Variants in COL18A1 observed in about 807,000 individuals in gnomAD.
COL18A1 encodes the protein collagen type XVIII alpha 1 chain.
Under a neutral mutation model 168.0 loss-of-function variants are expected in COL18A1, and 133 were observed. The observed-to-expected ratio is 0.79, with a 90% CI of 0.69 to 0.91. The LOEUF (loss-of-function observed/expected upper bound fraction) is 0.91. Ranked by LOEUF, COL18A1 falls within the 40% of genes least tolerant of loss-of-function variation. The pLI is 0.00. For synonymous variants in COL18A1, 949 were observed against 809.0 expected, an observed-to-expected ratio of 1.17 and a Z score of -2.94; for missense variants, 2,126 against 1,925.4, an observed-to-expected ratio of 1.10 and a Z score of -1.95.
At chr21:45,489,424 G>C in intron 18 of COL18A1, 62 bp from the exon 19 acceptor site, 2 of 1,273,180 alleles carry the variant, frequency 1.6e-6, no homozygotes, top group Non-Finnish European at 1.1e-6. Context: ...ACCCGGGGTG[G>C]ACGCTGCCTG....
At chr21:45,453,731 A>G (rs2034708435) in intron 2 of COL18A1, among the ~76,000 whole-genome samples, 1 of 152,098 alleles carries the variant, frequency 6.6e-6, no homozygotes, top group African/African-American at 2.4e-5. Context: ...CACCCTGCAG[A>G]TGGCAGGGTG....
At chr21:45,505,101 T>TAA (rs1778430841) in intron 34 of COL18A1, 33 bp from the exon 35 acceptor site, 3 of 1,600,950 alleles carry the variant, frequency 1.9e-6, no homozygotes. Flanking sequence ...GGGCACGAGG[T>TAA]AACCAGGAAG....
intron 26 of COL18A1, 47 bp downstream of exon 26, chr21:45,493,622 G>C (rs1438583375): frequency 7.1e-7 from 1 of 1,416,956 alleles, no homozygotes; most frequent in Non-Finnish European, 9.7e-7. Context: ...GGCTCCTGGG[G>C]CTGTGGAGAC....
chr21:45,480,017 G>A, intron 10 of COL18A1, 53 bp downstream of exon 10: 1 of 1,613,376 alleles, frequency 6.2e-7, no homozygotes, highest in South Asian at 1.1e-5. Context: ...CTTGGCTCAA[G>A]GTGGGGGCTG....
chr21:45,501,979 G>A (rs1168302716), intron 32 of COL18A1, among the ~76,000 whole-genome samples: 2 of 79,298 alleles, frequency 2.5e-5, no homozygotes, highest in African/African-American at 1.1e-4. Flanking sequence ...ACCTCCCTCT[G>A]CAGAAGGACC....
At chr21:45,474,424 G>A (rs565642104) in intron 4 of COL18A1, among the ~76,000 whole-genome samples, 10 of 144,728 alleles carry the variant, frequency 6.9e-5, no homozygotes, top group South Asian at 2.2e-4. Context: ...CTTGTGTGTC[G>A]TGTGTGTCTG....
Position 45,497,608 on chromosome 21 carries a change from G to T in COL18A1, c.2630G>T (p.Gly877Val). The T allele has an allele frequency of 6.4e-7, 1 of 1,563,482 alleles. No individual in the cohort carries two copies. The part of the protein sequence containing the change: ...PGPPGLPGNQ[G>V]PPGPKGAKGE... ...GTCTCTCTTCCTCCAGGGAATCAGG[G>T]CCCTCCAGGACCCAAGGGCGCCAAA... is the stretch of plus-strand genomic sequence containing the variant. Residue 877 changes from glycine (G) to valine (V), a missense_variant, in exon 32 of 42, where the codon GGC becomes GTC. By Grantham distance (109) the Gly-to-Val change is moderately radical (BLOSUM62 -3). Transcript: ENST00000651438.
chr21:45,492,259 G>A (rs901548183), intron 22 of COL18A1, among the ~76,000 whole-genome samples: 5 of 152,160 alleles, frequency 3.3e-5, no homozygotes, highest in African/African-American at 1.2e-4. Flanking sequence ...CACCTCCGCC[G>A]GCAAGCAAGG....
At position 45,471,108 on chromosome 21, in the gene COL18A1, GC is replaced by G. The variant is rs2035414014; in HGVS notation, c.651+2324del. On this transcript the variant is annotated intron_variant, in intron 3 of 41. Transcript: ENST00000651438. The surrounding 1 kb of genome is among the most constrained non-coding windows in gnomAD (Gnocchi z 4.4). ...CGCGCTACGGGCCGTGTGCTGCTGG[GC>G]CTGGGTGGCGCACTACGGGCCTTGT... Among the ~76,000 whole-genome samples, 3 of 151,550 alleles carry G rather than the reference GC, an allele frequency of 2.0e-5. No individual in the cohort carries two copies. The South Asian group carries it at 6.3e-4, about 32-fold the overall frequency.
At chr21:45,466,114 C>A (rs117840553) in intron 2 of COL18A1, among the ~76,000 whole-genome samples, 3 of 152,092 alleles carry the variant, frequency 2.0e-5, no homozygotes, top group African/African-American at 4.8e-5. Flanking sequence ...TGGGAGAGGG[C>A]GCTTTGGCTC....
At chr21:45,502,258 G>A (rs2036906571) in intron 32 of COL18A1, among the ~76,000 whole-genome samples, 1 of 152,224 alleles carries the variant, frequency 6.6e-6, no homozygotes, top group Admixed American at 6.5e-5. Flanking sequence ...TACAGGGCAT[G>A]CCTCCAGGGG....
Position 45,512,304 on chromosome 21 carries a change from T to TG in COL18A1, c.3932dup (p.Arg1312GlnfsTer20), listed in dbSNP as rs757303028. The TG allele has an allele frequency of 1.9e-6, 3 of 1,612,374 alleles. No individual in the cohort carries two copies. Among genetic ancestry groups the TG allele is most frequent in the Non-Finnish European group, 2.5e-6 (3 of 1,179,746 alleles). On this transcript the variant is annotated frameshift_variant, in exon 42 of 42. Transcript: ENST00000651438. LOFTEE classifies it low-confidence loss of function (END_TRUNC). ...GCCACGGGCCAGGCCTCCTCGCTGC[T>TG]GGGGGGCAGGCTCCTGGGGCAGAGT...
In COL18A1 at chr21:45,480,867, T is replaced by G; in HGVS notation, c.1611+9T>G. 6.2e-7 allele frequency: 1 copy of G among 1,609,078 alleles called. No individual in the cohort carries two copies. The highest frequency in any genetic ancestry group is 8.5e-7 in the Non-Finnish European group (1 of 1,178,888). On this transcript the variant is annotated intron_variant, in intron 13 of 41. Coordinates refer to ENST00000651438, the MANE Select transcript of COL18A1 (RefSeq NM_001379500.1). ...GGTTTCCTGGCCTCCCGGTAAGTCC[T>G]GCCTCCACCGTCAGTGTCGGGAGCC...
At position 45,419,353 on chromosome 21, in the gene COL18A1, G is replaced by A. The variant is rs191721989; in HGVS notation, c.106+13880G>A. Among the ~76,000 whole-genome samples, 102 of 151,984 alleles carry A rather than the reference G, an allele frequency of 6.7e-4. 1 individual carries two copies. The highest frequency in any genetic ancestry group is 3.4e-3 in the Middle Eastern group (1 of 294). ...TACATGATGCTGTGTGTAGTGATGCGCGATGCCGTGTGTGGTGACACGATG... is the reference window on the plus strand; with the variant it reads ...TACATGATGCTGTGTGTAGTGATGCACGATGCCGTGTGTGGTGACACGATG... On this transcript the variant is annotated intron_variant, in intron 2 of 41. Coordinates refer to ENST00000651438, the MANE Select transcript of COL18A1 (RefSeq NM_001379500.1).
intron 39 of COL18A1, 22 bp downstream of exon 39, chr21:45,509,623 G>T: frequency 2.3e-6 from 3 of 1,329,474 alleles, no homozygotes; most frequent in Non-Finnish European, 3.1e-6. Flanking sequence ...CCCAAAGTGG[G>T]CTTGGCTCCA....
intron 2 of COL18A1, among the ~76,000 whole-genome samples, chr21:45,440,750 C>T (rs2034349375): frequency 6.6e-6 from 1 of 152,196 alleles, no homozygotes; most frequent in African/African-American, 2.4e-5. Context: ...TATGTCACAC[C>T]CTGGCTGCAC....
At chr21:45,487,554 G>C (rs1482994577) in intron 17 of COL18A1, 45 bp downstream of exon 17, 5 of 1,607,828 alleles carry the variant, frequency 3.1e-6, no homozygotes, top group Non-Finnish European at 4.2e-6. Flanking sequence ...GGGTAAGGGG[G>C]TGTTGCCTGG....
chr21:45,422,058 G>C (rs1369445413), intron 2 of COL18A1, among the ~76,000 whole-genome samples: 1 of 151,502 alleles, frequency 6.6e-6, no homozygotes, highest in Non-Finnish European at 1.5e-5. Flanking sequence ...ACAGGCTCAC[G>C]CACACACAGG....
intron 3 of COL18A1, among the ~76,000 whole-genome samples, chr21:45,470,589 C>A (rs548733716): frequency 2.7e-5 from 4 of 150,478 alleles, no homozygotes; most frequent in African/African-American, 9.8e-5. Flanking sequence ...CAGGTTCATG[C>A]GATTCTTCTG....
Sources: gnomAD v4.1 joint callset for allele counts (sites outside exome capture counted in the v4.1 genomes callset) on GRCh38, gnomAD v4.1.1 for gene constraint, Gnocchi (gnomAD v3.1) non-coding constraint, MANE v1.5 for transcripts, NCBI Gene and HGNC (gene_info 2026-07-23, HGNC 2026-07-21) for gene names.